Variants in CTNNA2 observed in about 807,000 individuals in gnomAD.
The protein encoded by CTNNA2 is catenin alpha 2.
CTNNA2 carries 42 observed loss-of-function variants against 101.0 expected under a neutral mutation model. The ratio of observed to expected loss-of-function variants is 0.42; its 90% CI spans 0.32 to 0.54. The LOEUF is 0.54. Among genes scored for constraint, CTNNA2 ranks in the 20% least tolerant of loss-of-function variants. The pLI is 0.14. For missense variants in CTNNA2, 871 were observed against 1,223.1 expected (o/e 0.71, Z 4.29); for synonymous variants, 450 against 456.4 (o/e 0.99, Z 0.18).
intron 7 of CTNNA2, among the ~76,000 whole-genome samples, chr2:80,180,116 C>T (rs539119317): frequency 6.6e-6 from 1 of 152,280 alleles, no homozygotes; most frequent in African/African-American, 2.4e-5. Context: ...CCCCAGTGCA[C>T]AGTTACCCTG....
At chr2:79,193,495 G>A (rs1673902715) in intron 1 of CTNNA2, among the ~76,000 whole-genome samples, 1 of 152,130 alleles carries the variant, frequency 6.6e-6, no homozygotes, top group Non-Finnish European at 1.5e-5. Flanking sequence ...GTATGTAGTA[G>A]CCTGTACCAC....
chr2:79,614,824 GT>G (rs1678512715), intron 1 of CTNNA2, among the ~76,000 whole-genome samples: 1 of 152,146 alleles, frequency 6.6e-6, no homozygotes, highest in African/African-American at 2.4e-5. Context: ...ATTATTACCA[GT>G]TTAGAAAAAT....
chr2:80,061,941 A>G (rs1558770802), intron 7 of CTNNA2, among the ~76,000 whole-genome samples: 1 of 152,224 alleles, frequency 6.6e-6, no homozygotes, highest in East Asian at 1.9e-4. Context: ...AAGCAAAAAA[A>G]TGTAGAAAGA....
intron 7 of CTNNA2, among the ~76,000 whole-genome samples, chr2:80,064,074 A>T (rs1405424419): frequency 6.6e-6 from 1 of 152,204 alleles, no homozygotes; most frequent in African/African-American, 2.4e-5. Flanking sequence ...GGAGAGGGAG[A>T]GGGAGAAGAA....
intron 1 of CTNNA2, among the ~76,000 whole-genome samples, chr2:79,640,546 C>A (rs571011670): frequency 4.4e-4 from 67 of 152,272 alleles, no homozygotes; most frequent in African/African-American, 1.5e-3. Flanking sequence ...AAATTACGTT[C>A]TCTAAATAAT....
intron 2 of CTNNA2, among the ~76,000 whole-genome samples, chr2:79,262,451 TA>T (rs1337795158): frequency 6.6e-6 from 1 of 151,996 alleles, no homozygotes; most frequent in Non-Finnish European, 1.5e-5. Context: ...TTTCAAATCC[TA>T]AAAAATATTT....
At chr2:79,340,216 GGTGT>G (rs1161554278) in intron 3 of CTNNA2, 1 of 152,072 alleles carries the variant, frequency 6.6e-6, no homozygotes, top group Non-Finnish European at 1.5e-5. Context: ...CAATGTGTGT[GGTGT>G]GTGTATCTCT....
At chr2:80,551,752 T>A (rs1692573234) in intron 11 of CTNNA2, among the ~76,000 whole-genome samples, 1 of 152,188 alleles carries the variant, frequency 6.6e-6, no homozygotes, top group Non-Finnish European at 1.5e-5. Context: ...CCACTCAAAC[T>A]TTCTCCATAT....
chr2:80,414,104 G>T (rs957053544), intron 8 of CTNNA2, among the ~76,000 whole-genome samples: 1 of 152,164 alleles, frequency 6.6e-6, no homozygotes, highest in South Asian at 2.1e-4. Flanking sequence ...CATGCAAAAG[G>T]CTTCAACTGC....
chr2:80,162,562 T>G, intron 7 of CTNNA2: 1 of 1,609,252 alleles, frequency 6.2e-7, no homozygotes, highest in South Asian at 1.1e-5. Context: ...CTCTTTCCTC[T>G]GTAATGATGG....
chr2:79,648,338 G>C (rs1338572688), intron 1 of CTNNA2, among the ~76,000 whole-genome samples: 1 of 152,118 alleles, frequency 6.6e-6, no homozygotes, highest in African/African-American at 2.4e-5. Context: ...GTTCATACTA[G>C]AACTCTGGAG....
intron 1 of CTNNA2, among the ~76,000 whole-genome samples, chr2:79,536,724 G>C (rs1673096161): frequency 9.3e-6 from 1 of 107,784 alleles, no homozygotes; most frequent in Admixed American, 9.0e-5. Flanking sequence ...TGGAGAAGGA[G>C]TTTTGCTCTG....
intron 2 of CTNNA2, among the ~76,000 whole-genome samples, chr2:79,219,899 T>C (rs1267090737): frequency 2.0e-5 from 3 of 152,162 alleles, no homozygotes; most frequent in Non-Finnish European, 4.4e-5. Context: ...GCACCTGAAA[T>C]TCATCCTTTC....
At chr2:79,496,260 C>T (rs1047840068) in intron 4 of CTNNA2, among the ~76,000 whole-genome samples, 1 of 151,964 alleles carries the variant, frequency 6.6e-6, no homozygotes, top group African/African-American at 2.4e-5. Context: ...TTAGACTTGT[C>T]ATATTTTTCT....
chr2:80,512,550 G>C (rs2149554714), intron 9 of CTNNA2, among the ~76,000 whole-genome samples: 1 of 152,282 alleles, frequency 6.6e-6, no homozygotes, highest in South Asian at 2.1e-4. Flanking sequence ...GAGGCTCATG[G>C]TTACCAAGAC....
intron 10 of CTNNA2, among the ~76,000 whole-genome samples, chr2:80,545,464 GGGGCTCA>G (rs1691971399): frequency 6.6e-6 from 1 of 152,134 alleles, no homozygotes; most frequent in African/African-American, 2.4e-5. Flanking sequence ...GAGGATTGCT[GGGGCTCA>G]GGAGTTCGAG....
At chr2:79,870,038 C>G in intron 5 of CTNNA2, 103 bp downstream of exon 5, 1 of 1,413,652 alleles carries the variant, frequency 7.1e-7, no homozygotes, top group South Asian at 1.3e-5. Context: ...TGCTTGCTAT[C>G]AAATGCCCTA....
chr2:80,018,542 C>T (rs181388481), intron 7 of CTNNA2, among the ~76,000 whole-genome samples: 14 of 152,102 alleles, frequency 9.2e-5, no homozygotes, highest in South Asian at 2.1e-4. Context: ...TTTGGGAGGC[C>T]GAGGCGGGCA....
intron 2 of CTNNA2, among the ~76,000 whole-genome samples, chr2:79,671,262 TG>T (rs56949193): frequency 0.22 from 34,061 of 152,090 alleles, 4,174 homozygotes; most frequent in East Asian, 0.49. Context: ...GATCACACTG[TG>T]GGGCATTTTG....
Sources: gnomAD v4.1 joint callset for allele counts (sites outside exome capture counted in the v4.1 genomes callset) on GRCh38, gnomAD v4.1.1 for gene constraint, MANE v1.5 for transcripts, NCBI Gene and HGNC (gene_info 2026-07-23, HGNC 2026-07-21) for gene names.